The following SGMS1 variants were observed in gnomAD, a reference collection of about 807,000 sequenced individuals.
SGMS1 encodes the protein phosphatidylcholine:ceramide cholinephosphotransferase 1.
SGMS1 carries 13 observed loss-of-function variants against 46.2 expected under a neutral mutation model. That is an observed-to-expected ratio of 0.28 (90% confidence interval 0.18 to 0.45). The LOEUF (loss-of-function observed/expected upper bound fraction) is 0.45. SGMS1 is among the 20% of genes least tolerant of loss of function. The pLI, the probability that SGMS1 is intolerant of heterozygous loss-of-function variation, is 1.00. For synonymous variants in SGMS1, 203 were observed against 187.8 expected, an observed-to-expected ratio of 1.08 and a Z score of -0.66; for missense variants, 324 against 519.9, an observed-to-expected ratio of 0.62 and a Z score of 3.66.
intron 3 of SGMS1, among the ~76,000 whole-genome samples, chr10:50,513,896 C>T (rs528179119): frequency 1.8e-4 from 27 of 152,146 alleles, no homozygotes; most frequent in African/African-American, 6.0e-4. Flanking sequence ...AAAATGACCC[C>T]GAAGAAAACG....
chr10:50,520,285 T>C (rs557149196), intron 2 of SGMS1, among the ~76,000 whole-genome samples: 59 of 152,086 alleles, frequency 3.9e-4, no homozygotes, highest in Middle Eastern at 3.4e-3. Flanking sequence ...AGCTACTCGG[T>C]AGGCTCAGGT....
At chr10:50,363,653 C>CT (rs1848290561) in intron 6 of SGMS1, among the ~76,000 whole-genome samples, 3 of 152,140 alleles carry the variant, frequency 2.0e-5, no homozygotes, top group African/African-American at 7.2e-5. Context: ...TAAGTAGGAT[C>CT]TGCCCTTGCC....
chr10:50,381,303 C>T (rs1361114494), intron 6 of SGMS1, among the ~76,000 whole-genome samples: 5 of 151,628 alleles, frequency 3.3e-5, no homozygotes, highest in East Asian at 3.9e-4. Flanking sequence ...AAAAAAAATC[C>T]GTAACATTCT....
In SGMS1 at chr10:50,400,396, CATATATATATATATATATATATATAT is replaced by C. The variant is rs10524155; in HGVS notation, c.-232+33054_-232+33079del. 2.9e-3 allele frequency among the ~76,000 whole-genome samples: 288 copies of C among 98,772 alleles called. 6 individuals carry two copies. Among genetic ancestry groups the C allele is most frequent in the African/African-American group, 7.3e-3 (185 of 25,440 alleles). The allele number at this position is 98,772 out of a possible 152,430, so 64.8% of individuals were successfully genotyped here. A position where few individuals can be genotyped will look rare whatever the true frequency, so the allele number is the denominator to read the frequency against. On this transcript the variant is annotated intron_variant, in intron 6 of 10. Coordinates refer to ENST00000361781, the MANE Select transcript of SGMS1 (RefSeq NM_147156.4). ...ACAAGACCTATAGAACACATCCTGG[CATATATATATATATATATATATATAT>C]ATATATATATATATATATATATATA...
At chr10:50,377,313 G>A (rs959908177) in intron 6 of SGMS1, among the ~76,000 whole-genome samples, 4 of 152,014 alleles carry the variant, frequency 2.6e-5, no homozygotes, top group Admixed American at 1.3e-4. Flanking sequence ...CCACTCCCAT[G>A]ATAACCCATT....
chr10:50,541,996 G>A (rs1333469724), intron 2 of SGMS1, among the ~76,000 whole-genome samples: 1 of 152,116 alleles, frequency 6.6e-6, no homozygotes, highest in Non-Finnish European at 1.5e-5. Flanking sequence ...AGGGGAAGAG[G>A]CTGCATGTCC....
At chr10:50,386,534 A>G (rs766417187) in intron 6 of SGMS1, among the ~76,000 whole-genome samples, 3 of 152,186 alleles carry the variant, frequency 2.0e-5, no homozygotes, top group Non-Finnish European at 2.9e-5. Context: ...CTAAGTGGGA[A>G]CCTGTATGCT....
intron 2 of SGMS1, among the ~76,000 whole-genome samples, chr10:50,564,117 C>T (rs1173170857): frequency 6.6e-6 from 1 of 152,232 alleles, no homozygotes; most frequent in Admixed American, 6.5e-5. Flanking sequence ...AGACTTTAAC[C>T]ATGACAACCC....
At position 50,612,671 on chromosome 10, in the gene SGMS1, C is replaced by G. The variant is rs137951983; in HGVS notation, c.-684+11036G>C. 1.9e-3 allele frequency among the ~76,000 whole-genome samples: 295 copies of G among 152,298 alleles called. 2 individuals are homozygous for G. Among genetic ancestry groups the G allele is most frequent in the African/African-American group, 5.5e-3 (229 of 41,560 alleles). The stretch of plus-strand genomic sequence containing the variant: ...TTAATCTTCTCCAGGTTTTACATTC[C>G]TAGCAGACAGCTAACATTTAGCCAC... On this transcript the variant is annotated intron_variant, in intron 1 of 10. Coordinates refer to ENST00000361781, the MANE Select transcript of SGMS1 (RefSeq NM_147156.4).
intron 8 of SGMS1, among the ~76,000 whole-genome samples, chr10:50,322,838 C>CAAAAAA (rs58049533): frequency 9.7e-5 from 5 of 51,304 alleles, no homozygotes; most frequent in Admixed American, 2.1e-4. Flanking sequence ...GACTCCGTCT[C>CAAAAAA]AAAAAAAAAA....
In SGMS1 at chr10:50,343,683, G is replaced by A. The variant is rs1422349320; in HGVS notation, c.432C>T (p.Ser144=). 2.5e-5 allele frequency: 40 copies of A among 1,614,138 alleles called. No individual in the cohort carries two copies. The highest frequency in any genetic ancestry group is 3.4e-5 in the Non-Finnish European group (40 of 1,180,020). ...TCATCACTGTGGTGAGAACGAAACA[G>A]GAAAGTGCATAAAGAAAGGCCAGAA... ...KTFLAFLYAL[S]CFVLTTVMIS... The change falls in exon 7 of 11, where the codon TCC becomes TCT. Residue 144 remains serine, a synonymous_variant. Coordinates refer to ENST00000361781, the MANE Select transcript of SGMS1 (RefSeq NM_147156.4).
intron 6 of SGMS1, among the ~76,000 whole-genome samples, chr10:50,361,921 T>A (rs1033034973): frequency 1.3e-5 from 2 of 152,232 alleles, no homozygotes; most frequent in Non-Finnish European, 2.9e-5. Context: ...CTGTATCATA[T>A]CCATACTCAA....
intron 1 of SGMS1, among the ~76,000 whole-genome samples, chr10:50,597,347 T>G (rs1421449017): frequency 6.6e-6 from 1 of 152,172 alleles, no homozygotes; most frequent in Non-Finnish European, 1.5e-5. Context: ...AAAATACAGG[T>G]CAACTAGGAC....
At chr10:50,465,931 A>C (rs1837323162) in intron 4 of SGMS1, among the ~76,000 whole-genome samples, 2 of 148,568 alleles carry the variant, frequency 1.3e-5, no homozygotes, top group South Asian at 4.2e-4. Flanking sequence ...GCTCAGCCAC[A>C]AAAAAAATAA....
chr10:50,488,229 G>A (rs1235739723), intron 3 of SGMS1, among the ~76,000 whole-genome samples: 1 of 151,846 alleles, frequency 6.6e-6, no homozygotes, highest in Non-Finnish European at 1.5e-5. Flanking sequence ...GGCCAGGCTG[G>A]TCTCGAATTC....
intron 2 of SGMS1, among the ~76,000 whole-genome samples, chr10:50,524,231 T>C (rs1837880227): frequency 6.6e-6 from 1 of 152,198 alleles, no homozygotes; most frequent in Non-Finnish European, 1.5e-5. Flanking sequence ...GTAGATCTTG[T>C]TGAATTCTGT....
chr10:50,597,217 T>C (rs1461467475), intron 1 of SGMS1, among the ~76,000 whole-genome samples: 1 of 152,178 alleles, frequency 6.6e-6, no homozygotes, highest in Non-Finnish European at 1.5e-5. Context: ...AACAAACACA[T>C]GAAAAGATGT....
At chr10:50,597,041 A>G (rs1398300172) in intron 1 of SGMS1, among the ~76,000 whole-genome samples, 2 of 152,206 alleles carry the variant, frequency 1.3e-5, no homozygotes, top group Non-Finnish European at 2.9e-5. Context: ...ATAAAATGAG[A>G]TTAGGTACAC....
intron 3 of SGMS1, among the ~76,000 whole-genome samples, chr10:50,489,951 G>T (rs1017863030): frequency 1.4e-4 from 21 of 152,156 alleles, no homozygotes; most frequent in African/African-American, 4.1e-4. Flanking sequence ...TCCAGCCTGG[G>T]TGAGAGAATG....
Sources: gnomAD v4.1 joint callset for allele counts (sites outside exome capture counted in the v4.1 genomes callset) on GRCh38, gnomAD v4.1.1 for gene constraint, MANE v1.5 for transcripts, NCBI Gene and HGNC (gene_info 2026-07-23, HGNC 2026-07-21) for gene names.